MALRD1: variants seen among roughly 807,000 people sequenced by gnomAD.
MALRD1 encodes MAM and LDL-receptor class A domain-containing protein 1.
Under a neutral mutation model 242.1 loss-of-function variants are expected in MALRD1, and 247 were observed. The observed-to-expected ratio is 1.02, with a 90% CI of 0.92 to 1.13. The LOEUF is 1.13. Among genes scored for constraint, MALRD1 ranks in the 50% most tolerant of loss-of-function variants. MALRD1 has a pLI of 0.00. For synonymous variants in MALRD1, 995 were observed against 866.6 expected, an observed-to-expected ratio of 1.15 and a Z score of -2.60; for missense variants, 2,989 against 2,533.1, an observed-to-expected ratio of 1.18 and a Z score of -3.86.
intron 10 of MALRD1, among the ~76,000 whole-genome samples, chr10:19,141,713 T>A (rs1047013350): frequency 6.6e-6 from 1 of 151,808 alleles, no homozygotes; most frequent in Admixed American, 6.6e-5. Flanking sequence ...GAAAAAGGGG[T>A]TTTTTAAATT....
At chr10:19,330,005 A>T (rs1315799472) in intron 23 of MALRD1, among the ~76,000 whole-genome samples, 2 of 152,192 alleles carry the variant, frequency 1.3e-5, no homozygotes, top group African/African-American at 4.8e-5. Flanking sequence ...TTGAAATTTT[A>T]GACTATCCAG....
intron 18 of MALRD1, among the ~76,000 whole-genome samples, chr10:19,234,025 T>G (rs1663727864): frequency 6.6e-6 from 1 of 152,072 alleles, no homozygotes. Flanking sequence ...ATTTCCCAGC[T>G]TTTATTTTTT....
intron 29 of MALRD1, among the ~76,000 whole-genome samples, chr10:19,465,325 A>G (rs996710552): frequency 3.9e-5 from 6 of 152,210 alleles, no homozygotes; most frequent in African/African-American, 1.4e-4. Flanking sequence ...TTCCCCTTTC[A>G]GTATTCTGTT....
chr10:19,209,792 C>T (rs953492961), intron 18 of MALRD1, 112 bp downstream of exon 18: 55 of 1,073,872 alleles, frequency 5.1e-5, no homozygotes, highest in Admixed American at 1.5e-4. Flanking sequence ...ATCAAAGTTA[C>T]ATTGAGACAC....
intron 21 of MALRD1, among the ~76,000 whole-genome samples, chr10:19,289,120 A>G (rs1355352605): frequency 6.6e-6 from 1 of 152,098 alleles, no homozygotes; most frequent in Non-Finnish European, 1.5e-5. Context: ...AAAAAAGCAA[A>G]GGACACTTAC....
intron 28 of MALRD1, among the ~76,000 whole-genome samples, chr10:19,431,924 G>C (rs1834147149): frequency 6.6e-6 from 1 of 152,084 alleles, no homozygotes. Flanking sequence ...TACTCCTCCT[G>C]TCAGGTGCTT....
intron 36 of MALRD1, among the ~76,000 whole-genome samples, chr10:19,650,887 G>A (rs1564516040): frequency 6.6e-6 from 1 of 152,156 alleles, no homozygotes; most frequent in Non-Finnish European, 1.5e-5. Flanking sequence ...AGTGAGAACA[G>A]GTGTCCTTTT....
intron 21 of MALRD1, among the ~76,000 whole-genome samples, chr10:19,308,155 A>G (rs1482762668): frequency 1.3e-5 from 2 of 151,460 alleles, no homozygotes; most frequent in Admixed American, 6.6e-5. Flanking sequence ...ATACTCATTA[A>G]CTATCCCTAC....
In MALRD1 at chr10:19,184,997, A is replaced by G. The variant is rs75297204; in HGVS notation, c.1951+9669A>G. Among the ~76,000 whole-genome samples the G allele has an allele frequency of 1.4e-3, 208 of 152,346 alleles. 1 individual carries two copies. The East Asian group carries it at 0.018, about 13-fold the overall frequency. On this transcript the variant is annotated intron_variant, in intron 14 of 39. Transcript: ENST00000454679. ...AAATTTACTTTCACTTTTCATGATT[A>G]TGCAAATACTATTTATAAGTTCCTA...
chr10:19,203,946 A>T (rs1836665600), intron 15 of MALRD1, 66 bp downstream of exon 15: 1 of 1,523,358 alleles, frequency 6.6e-7, no homozygotes. Flanking sequence ...CAGAAGAGAA[A>T]GGAAAGCTAG....
Position 19,205,236 on chromosome 10 carries a change from G to A in MALRD1, c.2549G>A (p.Cys850Tyr), listed in dbSNP as rs1301825342. 1 of 1,550,600 alleles carries A rather than the reference G, an allele frequency of 6.4e-7. No individual in the cohort carries two copies. Among genetic ancestry groups the A allele is most frequent in the Non-Finnish European group, 8.7e-7 (1 of 1,146,976 alleles). The change falls in exon 17 of 40, where the codon TGT becomes TAT. Residue 850 changes from cysteine (C) to tyrosine (Y), a missense_variant. Coordinates refer to ENST00000454679, the MANE Select transcript of MALRD1 (RefSeq NM_001142308.3). Reference protein sequence around the residue: ...KLRLCDLVDDCGDRTDEVNCA... With the variant: ...KLRLCDLVDDYGDRTDEVNCA... ...CGGTTATGTGATCTGGTGGATGACT[G>A]TGGTGATCGTACTGATGAAGTCAAC...
intron 29 of MALRD1, among the ~76,000 whole-genome samples, chr10:19,475,418 AAATAAT>A (rs1450847809): frequency 2.0e-5 from 3 of 152,256 alleles, no homozygotes; most frequent in East Asian, 3.9e-4. Flanking sequence ...CCGTCTCAAA[AAATAAT>A]AATAATAAAC....
chr10:19,410,743 A>C lies in MALRD1; in HGVS notation c.4845+21134A>C, dbSNP rs1833245724. On this transcript the variant is annotated intron_variant, in intron 28 of 39. Coordinates refer to ENST00000454679, the MANE Select transcript of MALRD1 (RefSeq NM_001142308.3). ...ACCTACTTTAGGAAGAGTCAAGAATAAATGTTGCAAGGTAGTAGCAAATAC... is the reference window on the plus strand; with the variant it reads ...ACCTACTTTAGGAAGAGTCAAGAATCAATGTTGCAAGGTAGTAGCAAATAC... Among the ~76,000 whole-genome samples, 5 of 148,674 alleles carry C rather than the reference A, an allele frequency of 3.4e-5. No homozygotes were observed. In the South Asian group the frequency reaches 1.0e-3, roughly 31 times the overall value.
At chr10:19,709,243 T>TAAAAAAAAAAAAAAAAAAA (rs557818453) in intron 38 of MALRD1, among the ~76,000 whole-genome samples, 2 of 105,972 alleles carry the variant, frequency 1.9e-5, no homozygotes, top group Admixed American at 1.0e-4. Context: ...CCGTCTGTAC[T>TAAAAAAAAAAAAAAAAAAA]AAAAAAAAAA....
chr10:19,224,702 T>C (rs1331007776), intron 18 of MALRD1, among the ~76,000 whole-genome samples: 3 of 152,158 alleles, frequency 2.0e-5, no homozygotes, highest in Admixed American at 1.3e-4. Context: ...TTCTTGTAAA[T>C]TTGTTTAAGT....
chr10:19,049,173 C>T, intron 1 of MALRD1, 36 bp downstream of exon 1: 1 of 1,231,812 alleles, frequency 8.1e-7, no homozygotes, highest in Non-Finnish European at 1.0e-6. Context: ...TTTCAATTCC[C>T]CGTACAGCCT....
At chr10:19,511,122 G>A (rs1833383763) in intron 31 of MALRD1, among the ~76,000 whole-genome samples, 1 of 152,144 alleles carries the variant, frequency 6.6e-6, no homozygotes, top group Non-Finnish European at 1.5e-5. Context: ...TTTATGCCAA[G>A]CCAGGAAAGG....
chr10:19,213,910 A>G (rs764471051), intron 18 of MALRD1, among the ~76,000 whole-genome samples: 2 of 152,158 alleles, frequency 1.3e-5, no homozygotes, highest in Non-Finnish European at 2.9e-5. Context: ...ATCACTCCCA[A>G]TTAGTGAGGC....
intron 32 of MALRD1, among the ~76,000 whole-genome samples, chr10:19,537,229 T>C (rs994662049): frequency 3.3e-5 from 5 of 152,128 alleles, no homozygotes; most frequent in Non-Finnish European, 7.4e-5. Flanking sequence ...TAAAAATATG[T>C]AAAAGGGCTG....
Sources: allele counts gnomAD v4.1 joint callset (sites outside exome capture counted in the v4.1 genomes callset), GRCh38; gene constraint gnomAD v4.1.1; transcripts MANE v1.5; gene names NCBI Gene and HGNC (gene_info 2026-07-23, HGNC 2026-07-21).